CPE: variants seen among roughly 807,000 people sequenced by gnomAD.
The protein encoded by CPE is carbocypeptidase E.
A neutral mutation model predicts 53.5 loss-of-function variants in CPE; 17 were observed. The observed-to-expected ratio is 0.32, with a 90% CI of 0.22 to 0.48. The LOEUF is 0.48. Among genes scored for constraint, CPE ranks in the 20% least tolerant of loss-of-function variants. The pLI is 0.99. For missense variants in CPE, 524 were observed against 614.7 expected (o/e 0.85, Z 1.56); for synonymous variants, 226 against 228.8 (o/e 0.99, Z 0.11).
intron 5 of CPE, among the ~76,000 whole-genome samples, chr4:165,485,387 A>C (rs1732491133): frequency 6.6e-6 from 1 of 152,198 alleles, no homozygotes; most frequent in Non-Finnish European, 1.5e-5. Context: ...AGCTAATTGA[A>C]GGGTATTGGT....
At chr4:165,455,121 T>G (rs1157037504) in intron 1 of CPE, among the ~76,000 whole-genome samples, 1 of 152,202 alleles carries the variant, frequency 6.6e-6, no homozygotes, top group Admixed American at 6.5e-5. Flanking sequence ...TGAAATGAGC[T>G]TCTCATGGAA....
chr4:165,475,576 G>T (rs1732284204), intron 3 of CPE, among the ~76,000 whole-genome samples: 1 of 152,214 alleles, frequency 6.6e-6, no homozygotes, highest in African/African-American at 2.4e-5. Flanking sequence ...GAGGCGGATG[G>T]TCTAGCTGGT....
chr4:165,487,723 G>C, intron 6 of CPE, 146 bp downstream of exon 6: 2 of 911,476 alleles, frequency 2.2e-6, no homozygotes, highest in Non-Finnish European at 3.2e-6. Context: ...CAGTGTTTCA[G>C]TTAGGCTTTT....
intron 1 of CPE, among the ~76,000 whole-genome samples, chr4:165,426,975 G>A (rs999129579): frequency 6.6e-6 from 1 of 152,176 alleles, no homozygotes; most frequent in Non-Finnish European, 1.5e-5. Context: ...AACCAGTGAG[G>A]GCTGGGAGTC....
At chr4:165,388,502 C>T (rs1730633529) in intron 1 of CPE, among the ~76,000 whole-genome samples, 1 of 152,046 alleles carries the variant, frequency 6.6e-6, no homozygotes, top group Non-Finnish European at 1.5e-5. Context: ...TGTTGGTCAC[C>T]CTTTGAGGCA....
chr4:165,478,884 C>CT (rs565135697), intron 3 of CPE, among the ~76,000 whole-genome samples: 67 of 152,290 alleles, frequency 4.4e-4, no homozygotes, highest in Non-Finnish European at 7.8e-4. Flanking sequence ...TTTTACTACT[C>CT]TTTTCTCTTT....
chr4:165,497,490 T>A (rs759037468), intron 8 of CPE, 22 bp from the exon 9 acceptor site: 1 of 1,356,052 alleles, frequency 7.4e-7, no homozygotes, highest in South Asian at 1.7e-5. Context: ...GATAATAATA[T>A]GTTCTTGATT....
intron 1 of CPE, among the ~76,000 whole-genome samples, chr4:165,410,131 C>G (rs1026807748): frequency 5.9e-5 from 9 of 151,418 alleles, no homozygotes; most frequent in Non-Finnish European, 1.2e-4. Context: ...CGCCTGTAGT[C>G]CCAGCTACTT....
At chr4:165,415,791 T>C (rs1158375805) in intron 1 of CPE, among the ~76,000 whole-genome samples, 2 of 152,162 alleles carry the variant, frequency 1.3e-5, no homozygotes, top group African/African-American at 2.4e-5. Flanking sequence ...TACATATTTG[T>C]GTAGTACACA....
rs373529437 is a variant in CPE at position 165,495,709 on chromosome 4, A to C, written c.1332+32A>C. ...AATCATAATAATAGCCAAACGCTAT[A>C]ATAATAATTAAGCATTTATCATTGT... On this transcript the variant is annotated intron_variant, in intron 8 of 8. Coordinates refer to ENST00000402744, the MANE Select transcript of CPE (RefSeq NM_001873.4). 4.3e-6 allele frequency: 6 copies of C among 1,395,226 alleles called. No homozygotes were observed. The African/African-American group carries it at 7.2e-5, about 17-fold the overall frequency. The allele number at this position is 1,395,226 out of a possible 1,614,324, so 86.4% of individuals were successfully genotyped here.
intron 1 of CPE, among the ~76,000 whole-genome samples, chr4:165,449,273 G>A (rs1731769656): frequency 6.6e-6 from 1 of 152,176 alleles, no homozygotes; most frequent in African/African-American, 2.4e-5. Context: ...TTTAAAGAAG[G>A]ATAAGATCAG....
intron 1 of CPE, among the ~76,000 whole-genome samples, chr4:165,440,616 G>A (rs1018761956): frequency 1.4e-4 from 22 of 152,058 alleles, no homozygotes; most frequent in African/African-American, 4.8e-4. Context: ...CACTTTGTGG[G>A]ATTTTTTCCT....
chr4:165,401,255 A>G (rs1007805579), intron 1 of CPE, among the ~76,000 whole-genome samples: 2 of 152,166 alleles, frequency 1.3e-5, no homozygotes, highest in Admixed American at 6.5e-5. Context: ...CGCCTTTTCC[A>G]TAGACAGGCT....
Position 165,467,608 on chromosome 4 carries a change from G to A in CPE, c.505-80G>A, listed in dbSNP as rs957327788. On this transcript the variant is annotated intron_variant, in intron 2 of 8. Transcript: ENST00000402744. ...ATAATCTTAATAGTTATTTTAAAGA[G>A]CATTGATAGGGACCTTAAATAGAAA... 7 of 1,319,434 alleles carry A rather than the reference G, an allele frequency of 5.3e-6. No homozygotes were observed. In the African/African-American group the frequency reaches 1.0e-4, roughly 20 times the overall value. The allele number at this position is 1,319,434 out of a possible 1,614,324, so 81.7% of individuals were successfully genotyped here.
At chr4:165,448,492 G>A (rs866261764) in intron 1 of CPE, among the ~76,000 whole-genome samples, 10 of 152,150 alleles carry the variant, frequency 6.6e-5, no homozygotes, top group African/African-American at 9.7e-5. Context: ...TCCTACCATG[G>A]CTGCATCATC....
At chr4:165,419,405 A>G (rs888768700) in intron 1 of CPE, among the ~76,000 whole-genome samples, 1 of 152,182 alleles carries the variant, frequency 6.6e-6, no homozygotes, top group Non-Finnish European at 1.5e-5. Flanking sequence ...ACTTTTAAAG[A>G]TGTGATTTTC....
intron 1 of CPE, among the ~76,000 whole-genome samples, chr4:165,447,874 G>T (rs965501265): frequency 6.6e-6 from 1 of 151,962 alleles, no homozygotes; most frequent in East Asian, 1.9e-4. Flanking sequence ...CCTACACAGG[G>T]TCAGGAACAT....
chr4:165,405,401 A>G, intron 1 of CPE: 1 of 1,005,892 alleles, frequency 9.9e-7, no homozygotes. Context: ...AGATTCAGAG[A>G]GATAACCAGC....
chr4:165,413,820 T>A (rs1324916197), intron 1 of CPE, among the ~76,000 whole-genome samples: 2 of 152,234 alleles, frequency 1.3e-5, no homozygotes, highest in Non-Finnish European at 2.9e-5. Context: ...TGCTTGGAGA[T>A]ACCTGAAAAT....
Sources: allele counts gnomAD v4.1 joint callset (sites outside exome capture counted in the v4.1 genomes callset), GRCh38; gene constraint gnomAD v4.1.1; transcripts MANE v1.5; gene names NCBI Gene and HGNC (gene_info 2026-07-23, HGNC 2026-07-21).